Variants in ANKRD24 observed in about 807,000 individuals in gnomAD.
The protein encoded by ANKRD24 is ankyrin repeat domain 24, also known as ankyrin repeat domain-containing protein 24.
A neutral mutation model predicts 127.8 loss-of-function variants in ANKRD24; 109 were observed. The observed-to-expected ratio is 0.85, with a 90% CI of 0.73 to 1.00. ANKRD24 has a LOEUF of 1.00. Among genes scored for constraint, ANKRD24 ranks in the 50% least tolerant of loss-of-function variants. The pLI is 0.00. For synonymous variants in ANKRD24, 743 were observed against 671.1 expected (o/e 1.11, Z -1.66); for missense variants, 1,648 against 1,570.2 (o/e 1.05, Z -0.84).
Position 4,195,184 on chromosome 19 carries a change from T to A in ANKRD24, c.37-4499T>A, listed in dbSNP as rs1599405927. Among the ~76,000 whole-genome samples the A allele has an allele frequency of 6.6e-6, 1 of 152,130 alleles. No individual in the cohort carries two copies. The highest frequency in any genetic ancestry group is 1.5e-5 in the Non-Finnish European group (1 of 68,020). On this transcript the variant is annotated intron_variant, in intron 2 of 21. Coordinates refer to ENST00000318934, the MANE Select transcript of ANKRD24 (RefSeq NM_001393985.1). The surrounding 1 kb of genome is among the most constrained non-coding windows in gnomAD (Gnocchi z 4.2). ...GCCTCCCGGGTGCACGCCATTCTCC[T>A]GCCTCAGTCTCCCGAGTAGCTGGGA... is the stretch of plus-strand genomic sequence containing the variant.
chr19:4,210,731 AT>A (rs1969677382), intron 13 of ANKRD24, among the ~76,000 whole-genome samples: 1 of 150,464 alleles, frequency 6.6e-6, no homozygotes. Context: ...CCCACTTCCC[AT>A]GCCCACTTCC....
intron 13 of ANKRD24, 143 bp from the exon 14 acceptor site, chr19:4,212,332 A>T: frequency 2.2e-6 from 2 of 924,316 alleles, no homozygotes; most frequent in Non-Finnish European, 3.2e-6. Flanking sequence ...AATAGTAATG[A>T]GTGAGCGGGC....
At chr19:4,222,826 A>C (rs753638461) in intron 20 of ANKRD24, 31 bp downstream of exon 20, 1 of 1,574,924 alleles carries the variant, frequency 6.3e-7, no homozygotes, top group Admixed American at 1.8e-5. Context: ...GGGCCAGGGG[A>C]CCATCAGGGT....
At chr19:4,223,208 C>T (rs1970536881) in intron 20 of ANKRD24, among the ~76,000 whole-genome samples, 1 of 151,360 alleles carries the variant, frequency 6.6e-6, no homozygotes, top group Admixed American at 6.6e-5. Context: ...GCTGGGATTA[C>T]AGGCATAAGC....
At chr19:4,220,195 A>T (rs1301807287) in intron 19 of ANKRD24, among the ~76,000 whole-genome samples, 3 of 151,910 alleles carry the variant, frequency 2.0e-5, no homozygotes, top group Admixed American at 1.3e-4. Context: ...CTGGTCTCGA[A>T]CTCCTGAGCT....
Position 4,217,105 on chromosome 19 carries a change from G to C in ANKRD24, c.1945G>C (p.Glu649Gln), listed in dbSNP as rs1292485611. 7 of 1,613,716 alleles carry C rather than the reference G, an allele frequency of 4.3e-6. No individual in the cohort carries two copies. In the African/African-American group the frequency reaches 6.7e-5, roughly 15 times the overall value. ...GGAGGCCACAAAAACAAAAGCAGAG[G>C]AAGCAGAAATGCAGGCCTACGGAGT... ...GVEATKTKAEEAEMQAYGVGA... is the reference protein window; with the variant it reads ...GVEATKTKAEQAEMQAYGVGA... The change falls in exon 18 of 22, where the codon GAA becomes CAA. Residue 649 changes from glutamate (E) to glutamine (Q), a missense_variant. Transcript: ENST00000318934.
chr19:4,210,258 G>A lies in ANKRD24; in HGVS notation c.952-7G>A, dbSNP rs757551816. The A allele has an allele frequency of 6.3e-7, 1 of 1,577,648 alleles. No individual in the cohort carries two copies. Among genetic ancestry groups the A allele is most frequent in the Non-Finnish European group, 8.6e-7 (1 of 1,161,690 alleles). ...CCATCTAAAGGCCGTGGTGGGGAGG[G>A]GAACAGGATGATCGAGATGCCTATG... On this transcript the variant is annotated splice_polypyrimidine_tract_variant and splice_region_variant and intron_variant, in intron 12 of 21. Coordinates refer to ENST00000318934, the MANE Select transcript of ANKRD24 (RefSeq NM_001393985.1).
chr19:4,183,970 TG>T, intron 1 of ANKRD24, among the ~76,000 whole-genome samples: 1 of 152,136 alleles, frequency 6.6e-6, no homozygotes, highest in African/African-American at 2.4e-5. Context: ...TGGGGTGACA[TG>T]AAGTACAGAA....
intron 19 of ANKRD24, 103 bp from the exon 20 acceptor site, chr19:4,222,567 C>G (rs1233791458): frequency 2.2e-6 from 3 of 1,351,438 alleles, no homozygotes; most frequent in Non-Finnish European, 2.9e-6. Context: ...ACGGGACCTT[C>G]CCTTGAAAGC....
intron 7 of ANKRD24, among the ~76,000 whole-genome samples, chr19:4,203,173 G>A (rs368109488): frequency 8.6e-5 from 13 of 150,784 alleles, no homozygotes; most frequent in African/African-American, 2.0e-4. Flanking sequence ...TCAGCCTCCC[G>A]AGTAGCTGGG....
chr19:4,210,500 C>A, intron 13 of ANKRD24, 128 bp downstream of exon 13: 1 of 845,456 alleles, frequency 1.2e-6, no homozygotes, highest in Non-Finnish European at 1.8e-6. Flanking sequence ...CTGCAGCCAC[C>A]TGGGCCTCCT....
rs1272922349 is a variant in ANKRD24 at position 4,202,930 on chromosome 19, G to A, written c.466+4G>A. 6.4e-7 allele frequency: 1 copy of A among 1,566,296 alleles called. No homozygotes were observed. Among genetic ancestry groups the A allele is most frequent in the Admixed American group, 1.9e-5 (1 of 53,896 alleles). On this transcript the variant is annotated splice_donor_region_variant and intron_variant, in intron 7 of 21. Transcript: ENST00000318934. ...TGGACTGCCCTACACCATGCAGGTGGGTGCAGCCCAGCCCTGCCCTGACCC... is the reference window on the plus strand; with the variant it reads ...TGGACTGCCCTACACCATGCAGGTGAGTGCAGCCCAGCCCTGCCCTGACCC...
chr19:4,186,725 G>T (rs2145209506), intron 2 of ANKRD24, among the ~76,000 whole-genome samples: 1 of 151,972 alleles, frequency 6.6e-6, no homozygotes, highest in African/African-American at 2.4e-5. Flanking sequence ...TCACAATTTG[G>T]CCCCAGTACC....
chr19:4,216,754 G>A lies in ANKRD24; in HGVS notation c.1594G>A (p.Ala532Thr). The A allele has an allele frequency of 6.3e-7, 1 of 1,582,684 alleles. No homozygotes were observed. ...EGAACGESEVAGATATKNGPT... is the reference protein window; with the variant it reads ...EGAACGESEVTGATATKNGPT... ...GGCAGCCTGTGGGGAGAGTGAGGTT[G>A]CTGGAGCCACGGCCACCAAAAACGG... is the stretch of plus-strand genomic sequence containing the variant. Residue 532 changes from alanine to threonine, a missense_variant, in exon 18 of 22, where the codon GCT (alanine) becomes ACT (threonine). Coordinates refer to ENST00000318934, the MANE Select transcript of ANKRD24 (RefSeq NM_001393985.1).
chr19:4,198,328 AG>A lies in ANKRD24; in HGVS notation c.37-1350del. 5.1e-5 allele frequency: 1 copy of A among 19,770 alleles called. No individual in the cohort carries two copies. Among genetic ancestry groups the A allele is most frequent in the Non-Finnish European group, 8.7e-5 (1 of 11,560 alleles). 1.2% of individuals were successfully genotyped at this position (19,770 alleles called of 1,614,324 possible). Reference sequence around the variant, plus strand: ...GGGGCTGGCGAGGAGGGCAAGGGGGAGGGGGCGGCACCAGGGAGGGCGGGAC... The same window carrying A: ...GGGGCTGGCGAGGAGGGCAAGGGGGAGGGGCGGCACCAGGGAGGGCGGGAC... On this transcript the variant is annotated intron_variant, in intron 2 of 21. Coordinates refer to ENST00000318934, the MANE Select transcript of ANKRD24 (RefSeq NM_001393985.1). The surrounding 1 kb of genome is among the most constrained non-coding windows in gnomAD (Gnocchi z 6.1).
At position 4,205,970 on chromosome 19, in the gene ANKRD24, G is replaced by A. The variant is rs551773143; in HGVS notation, c.467-1272G>A. On this transcript the variant is annotated intron_variant, in intron 7 of 21. Transcript: ENST00000318934. ...ATCCTGGCTAACACGGTGAAACCCCGTCTCTACTAAAAATACAAAAAATTA... is the reference window on the plus strand; with the variant it reads ...ATCCTGGCTAACACGGTGAAACCCCATCTCTACTAAAAATACAAAAAATTA... 2.4e-4 allele frequency among the ~76,000 whole-genome samples: 36 copies of A among 149,878 alleles called. No individual in the cohort carries two copies. The South Asian group carries it at 4.9e-3, about 20-fold the overall frequency.
chr19:4,202,735 G>A, intron 6 of ANKRD24, 134 bp from the exon 7 acceptor site: 2 of 899,736 alleles, frequency 2.2e-6, no homozygotes, highest in Non-Finnish European at 3.6e-6. Flanking sequence ...CAATTTTCAT[G>A]AAAATGGAGT....
chr19:4,222,241 T>C (rs1970480939), intron 19 of ANKRD24, among the ~76,000 whole-genome samples: 3 of 152,020 alleles, frequency 2.0e-5, no homozygotes. Flanking sequence ...ATAGAAACAT[T>C]AGCCAGATGT....
In ANKRD24 at chr19:4,217,108, G is replaced by A. The variant is rs376820525; in HGVS notation, c.1948G>A (p.Ala650Thr). 5 of 1,613,700 alleles carry A rather than the reference G, an allele frequency of 3.1e-6. No individual in the cohort carries two copies. In the African/African-American group the frequency reaches 6.7e-5, roughly 22 times the overall value. The change falls in exon 18 of 22, where the codon GCA (alanine) becomes ACA (threonine). Residue 650 changes from alanine (A) to threonine (T), a missense_variant. Transcript: ENST00000318934. ...VEATKTKAEE[A>T]EMQAYGVGAG... Reference sequence around the variant, plus strand: ...GGCCACAAAAACAAAAGCAGAGGAAGCAGAAATGCAGGCCTACGGAGTGGG... The same window carrying A: ...GGCCACAAAAACAAAAGCAGAGGAAACAGAAATGCAGGCCTACGGAGTGGG...
Sources: allele counts gnomAD v4.1 joint callset (sites outside exome capture counted in the v4.1 genomes callset), GRCh38; gene constraint gnomAD v4.1.1; non-coding constraint Gnocchi (gnomAD v3.1); transcripts MANE v1.5; gene names NCBI Gene and HGNC (gene_info 2026-07-23, HGNC 2026-07-21).